ARL10: variants seen among roughly 807,000 people sequenced by gnomAD.
ARL10 encodes ARF like GTPase 10, also known as ADP-ribosylation factor-like protein 10.
In ARL10, 23 loss-of-function variants were observed where a neutral mutation model predicts 26.1. The observed-to-expected ratio is 0.88, with a 90% CI of 0.63 to 1.25. ARL10 has a LOEUF of 1.25. Ranked by LOEUF, ARL10 falls within the 50% of genes most tolerant of loss-of-function variation. The pLI is 0.00. For synonymous variants in ARL10, 138 were observed against 149.1 expected (o/e 0.93, Z 0.54); for missense variants, 300 against 323.6 (o/e 0.93, Z 0.56).
chr5:176,389,605 G>A, downstream of ARL10: 1 of 1,208,728 alleles, frequency 8.3e-7, no homozygotes. Context: ...AGAGGCCCAT[G>A]TGTCGCTGGG....
rs1191514505 is a variant in ARL10, at chr5:176,376,231, A to T, written c.*4336A>T. 1.3e-5 allele frequency: 2 copies of T among 152,150 alleles called. No individual in the cohort carries two copies. The highest frequency in any genetic ancestry group is 1.3e-4 in the Admixed American group (2 of 15,268). 9.4% of individuals were successfully genotyped at this position (152,150 alleles called of 1,614,324 possible). ...CAAAAAATCAGCTGGGTGTGACGGC[A>T]TGCGCCTGTAGTCCCACCTACTAGG... is the stretch of plus-strand genomic sequence containing the variant. On this transcript the variant is annotated 3_prime_UTR_variant, in exon 4 of 4. Coordinates refer to ENST00000310389, the MANE Select transcript of ARL10 (RefSeq NM_173664.6).
At chr5:176,392,758 T>TGCACCTAGCAG, downstream of ARL10, 1 of 1,613,238 alleles carries the variant, frequency 6.2e-7, no homozygotes, top group South Asian at 1.1e-5. The surrounding 1 kb of genome is among the most constrained non-coding windows in gnomAD (Gnocchi z 5.2). Context: ...TCTGTGGCCA[T>TGCACCTAGCAG]GCACCTAGCA....
chr5:176,395,484 T>C (rs1276605908), intron 1 of ARL10, among the ~76,000 whole-genome samples: 2 of 152,142 alleles, frequency 1.3e-5, no homozygotes, highest in African/African-American at 2.4e-5. Context: ...CTGTGCCCTG[T>C]GAGAGGAGGC....
downstream of ARL10, chr5:176,385,375 C>G: frequency 8.6e-7 from 1 of 1,168,556 alleles, no homozygotes; most frequent in Non-Finnish European, 1.3e-6. Context: ...GCTTTGCTTT[C>G]TGTGCTCTTT....
exon 2 of ARL10, chr5:176,388,575 G>C (rs753723748): frequency 1.3e-6 from 2 of 1,566,272 alleles, no homozygotes; most frequent in Non-Finnish European, 1.8e-6. Flanking sequence ...CAAACACGCT[G>C]CCTCTGTCTC....
the ARL10 span, among the ~76,000 whole-genome samples, chr5:176,408,591 G>A: frequency 6.6e-6 from 1 of 151,138 alleles, no homozygotes; most frequent in African/African-American, 2.4e-5. Flanking sequence ...TGTAATCATA[G>A]TCACTGCAGC....
chr5:176,379,106 T>C lies in ARL10; in HGVS notation c.*7211T>C, dbSNP rs548051663. ...GATATGCCTTAGCTATGGGGTCTAA[T>C]TGCAGGCCATGATATGTGATGGGCC... On this transcript the variant is annotated 3_prime_UTR_variant, in exon 4 of 4. Transcript: ENST00000310389. 9 of 152,278 alleles carry C rather than the reference T, an allele frequency of 5.9e-5. No homozygotes were observed. Among genetic ancestry groups the C allele is most frequent in the African/African-American group, 2.2e-4 (9 of 41,564 alleles). 9.4% of individuals were successfully genotyped at this position (152,278 alleles called of 1,614,324 possible). A position where few individuals can be genotyped will look rare whatever the true frequency, so the allele number is the denominator to read the frequency against.
chr5:176,392,682 C>T (rs966125067), downstream of ARL10: 1 of 1,436,318 alleles, frequency 7.0e-7, no homozygotes, highest in Non-Finnish European at 9.6e-7. The surrounding 1 kb of genome is among the most constrained non-coding windows in gnomAD (Gnocchi z 5.2). Flanking sequence ...CTGTGGGTAG[C>T]AGCTGCTGCG....
downstream of ARL10, among the ~76,000 whole-genome samples, chr5:176,403,659 G>A (rs1756954533): frequency 6.6e-6 from 1 of 151,064 alleles, no homozygotes; most frequent in African/African-American, 2.4e-5. Context: ...TCACCATCTT[G>A]TCCAGGCTGG....
At chr5:176,397,868 C>T in intron 1 of ARL10, 1 of 1,500,880 alleles carries the variant, frequency 6.7e-7, no homozygotes, top group Non-Finnish European at 9.3e-7. Flanking sequence ...ACTCCGAGGA[C>T]TCCCCACACT....
chr5:176,404,043 C>T (rs1756975376), downstream of ARL10, among the ~76,000 whole-genome samples: 1 of 152,226 alleles, frequency 6.6e-6, no homozygotes, highest in Non-Finnish European at 1.5e-5. Flanking sequence ...GCATGAGCCA[C>T]CACACCCAGC....
intron 3 of ARL10, among the ~76,000 whole-genome samples, chr5:176,369,955 T>C (rs1768481911): frequency 1.3e-5 from 1 of 78,188 alleles, no homozygotes; most frequent in Non-Finnish European, 2.8e-5. Flanking sequence ...CGAGACCCTA[T>C]CTCAAAAAAA....
chr5:176,371,232 A>T (rs190223158), intron 3 of ARL10, among the ~76,000 whole-genome samples: 3 of 152,046 alleles, frequency 2.0e-5, no homozygotes, highest in Non-Finnish European at 2.9e-5. Context: ...AAAATTAGCC[A>T]GGCGTGGTGG....
rs1768276859 is a variant in ARL10 at position 176,365,898 on chromosome 5, G to A, written c.183+152G>A. On this transcript the variant is annotated intron_variant, in intron 1 of 3. Coordinates refer to ENST00000310389, the MANE Select transcript of ARL10 (RefSeq NM_173664.6). The stretch of plus-strand genomic sequence containing the variant: ...CAGCCGCAGCGCACAGGCCCCGCGC[G>A]GGTGGGCGGTCAGAGCCCGGGAACC... 5.6e-6 allele frequency: 5 copies of A among 895,076 alleles called. No individual in the cohort carries two copies. The South Asian group carries it at 2.1e-4, about 38-fold the overall frequency. 55.4% of individuals were successfully genotyped at this position (895,076 alleles called of 1,614,324 possible).
downstream of ARL10, among the ~76,000 whole-genome samples, chr5:176,383,177 G>A (rs992317075): frequency 6.6e-6 from 1 of 152,168 alleles, no homozygotes; most frequent in African/African-American, 2.4e-5. Flanking sequence ...GTAAGATGAG[G>A]ATAAAACCAC....
chr5:176,413,429 G>A, the ARL10 span, among the ~76,000 whole-genome samples: 1 of 152,350 alleles, frequency 6.6e-6, no homozygotes, highest in African/African-American at 2.4e-5. Context: ...CTGATGAATG[G>A]AAACAAAGTG....
At chr5:176,401,278 C>A (rs546180817) in intron 1 of ARL10, among the ~76,000 whole-genome samples, 1 of 152,320 alleles carries the variant, frequency 6.6e-6, no homozygotes, top group South Asian at 2.1e-4. Flanking sequence ...TATCCAGGTG[C>A]CCTATTTTAT....
intron 1 of ARL10, chr5:176,388,156 T>C: frequency 9.3e-7 from 1 of 1,073,052 alleles, no homozygotes; most frequent in South Asian, 1.4e-5. Context: ...GAATGGGCAG[T>C]ACCACGTTCT....
At chr5:176,366,705 A>G in intron 2 of ARL10, 124 bp downstream of exon 2, 1 of 1,189,274 alleles carries the variant, frequency 8.4e-7, no homozygotes, top group Non-Finnish European at 1.2e-6. Context: ...AATCCTTCCC[A>G]CCGCTCTCCG....
Sources: allele counts gnomAD v4.1 joint callset (sites outside exome capture counted in the v4.1 genomes callset), GRCh38; gene constraint gnomAD v4.1.1; non-coding constraint Gnocchi (gnomAD v3.1); transcripts MANE v1.5; gene names NCBI Gene and HGNC (gene_info 2026-07-23, HGNC 2026-07-21).